CROCC2: variants seen among roughly 807,000 people sequenced by gnomAD.
CROCC2 encodes the protein ciliary rootlet coiled-coil protein 2.
In CROCC2, 163 loss-of-function variants were observed where a neutral mutation model predicts 177.6. That is an observed-to-expected ratio of 0.92 (90% CI 0.81 to 1.05). The LOEUF (loss-of-function observed/expected upper bound fraction) is 1.05. CROCC2 is among the 50% of genes least tolerant of loss of function. CROCC2 has a pLI of 0.00. For missense variants in CROCC2, 1,929 were observed against 1,797.8 expected, an observed-to-expected ratio of 1.07 and a Z score of -1.32; for synonymous variants, 904 against 787.3, an observed-to-expected ratio of 1.15 and a Z score of -2.48.
intron 1 of CROCC2, among the ~76,000 whole-genome samples, chr2:240,916,827 C>T (rs946982486): frequency 1.3e-5 from 2 of 152,144 alleles, no homozygotes; most frequent in African/African-American, 4.8e-5. Context: ...CGGAGCATGA[C>T]GGTCTCTGAT....
intron 28 of CROCC2, among the ~76,000 whole-genome samples, chr2:240,983,936 T>C (rs1216973377): frequency 6.6e-6 from 1 of 152,066 alleles, no homozygotes; most frequent in Non-Finnish European, 1.5e-5. Context: ...GGGTGTGCCC[T>C]GCGGCTGGAG....
intron 19 of CROCC2, among the ~76,000 whole-genome samples, chr2:240,956,189 T>C (rs938595788): frequency 1.2e-4 from 18 of 152,228 alleles, no homozygotes; most frequent in Non-Finnish European, 2.4e-4. Flanking sequence ...ACCAGGACTT[T>C]TCCTGGCTCA....
chr2:240,942,461 A>C (rs980380318), intron 14 of CROCC2, among the ~76,000 whole-genome samples: 1 of 151,906 alleles, frequency 6.6e-6, no homozygotes, highest in Non-Finnish European at 1.5e-5. Flanking sequence ...TCTTTTATTT[A>C]TTTATTTTCA....
At chr2:240,934,121 G>A (rs552985094) in intron 11 of CROCC2, among the ~76,000 whole-genome samples, 18 of 125,880 alleles carry the variant, frequency 1.4e-4, no homozygotes, top group Middle Eastern at 3.7e-3. Flanking sequence ...CACCCCTCCC[G>A]TCCCCCCGGA....
intron 28 of CROCC2, chr2:240,983,237 C>A: frequency 1.1e-6 from 1 of 875,706 alleles, no homozygotes; most frequent in Non-Finnish European, 1.7e-6. Context: ...CCTGGAGGGG[C>A]CCACAGGGAG....
chr2:240,964,689 C>A, intron 22 of CROCC2, 64 bp downstream of exon 22: 1 of 1,499,610 alleles, frequency 6.7e-7, no homozygotes, highest in South Asian at 1.3e-5. Context: ...GTCCCGGCTC[C>A]TCCCAGGGGA....
In CROCC2 at chr2:240,982,547, G is replaced by C. The variant is rs2059807930; in HGVS notation, c.4402-333G>C. The C allele has an allele frequency of 1.8e-5, 4 of 216,642 alleles. No homozygotes were observed. The allele number at this position is 216,642 out of a possible 1,614,324, so 13.4% of individuals were successfully genotyped here. On this transcript the variant is annotated intron_variant, in intron 27 of 31. Transcript: ENST00000690015. This position sits in a 1 kb window ranked among gnomAD's most constrained non-coding sequence, Gnocchi z 4.7. ...CCCAAGGGCAGTAGGAGCCACCAAGGCTGGAGGCAGGGCAGGGATGCCACT... is the reference window on the plus strand; with the variant it reads ...CCCAAGGGCAGTAGGAGCCACCAAGCCTGGAGGCAGGGCAGGGATGCCACT...
At chr2:240,935,276 C>A (rs569653297) in intron 13 of CROCC2, 82 bp from the exon 14 acceptor site, 7 of 1,273,894 alleles carry the variant, frequency 5.5e-6, no homozygotes, top group Non-Finnish European at 7.1e-6. Flanking sequence ...GACAGTGCCC[C>A]GGGGCAGGCC....
chr2:240,955,904 C>G lies in CROCC2; in HGVS notation c.2875C>G (p.Leu959Val). ...ETERSLLSEE[L>V]SRARRTLERV... is the part of the protein sequence containing the mutation. Reference sequence around the variant, plus strand: ...AGAGCGGAGCCTTCTGAGTGAGGAGCTCTCCAGGGCCAGGAGGACGCTAGA... The same window carrying G: ...AGAGCGGAGCCTTCTGAGTGAGGAGGTCTCCAGGGCCAGGAGGACGCTAGA... The change falls in exon 19 of 32, where the codon CTC becomes GTC. Residue 959 changes from leucine (L) to valine (V), a missense_variant. This residue lies in a region of CROCC2 where 1,397 missense variants were observed against 1,239.9 expected (regional missense o/e 1.13). Transcript: ENST00000690015. The G allele has an allele frequency of 1.3e-6, 2 of 1,535,066 alleles. No homozygotes were observed. Among genetic ancestry groups the G allele is most frequent in the Non-Finnish European group, 1.7e-6 (2 of 1,146,884 alleles).
chr2:240,932,171 C>G (rs1193456281), intron 7 of CROCC2, 147 bp from the exon 8 acceptor site: 1 of 608,002 alleles, frequency 1.6e-6, no homozygotes. Context: ...ATGCTCAGAC[C>G]AGGGACAGAG....
intron 3 of CROCC2, 104 bp downstream of exon 3, chr2:240,920,238 T>G: frequency 1.7e-6 from 1 of 582,188 alleles, no homozygotes; most frequent in Non-Finnish European, 3.1e-6. Flanking sequence ...CCATCGGCAA[T>G]TTCTAAGACT....
rs964841083 is a variant in CROCC2 at position 240,967,381 on chromosome 2, C to T, written c.4183C>T (p.Arg1395Trp). 20 of 817,484 alleles carry T rather than the reference C, an allele frequency of 2.4e-5. No individual in the cohort carries two copies. Among genetic ancestry groups the T allele is most frequent in the Middle Eastern group, 2.5e-4 (1 of 4,006 alleles). 50.6% of individuals were successfully genotyped at this position (817,484 alleles called of 1,614,324 possible). A position where few individuals can be genotyped will look rare whatever the true frequency, so the allele number is the denominator to read the frequency against. The change falls in exon 26 of 32, where the codon CGG (arginine) becomes TGG (tryptophan). Residue 1395 changes from arginine (R) to tryptophan (W), a missense_variant. Arg to Trp is a moderately radical substitution (Grantham distance 101). Transcript: ENST00000690015. ...SRIQMATLSSRLSEAECRCAR... is the reference protein window; with the variant it reads ...SRIQMATLSSWLSEAECRCAR... ...CATCCAGATGGCGACCCTGAGCAGC[C>T]GGCTGAGCGAGGCAGAGTGCAGGTG...
Position 240,972,552 on chromosome 2 carries a change from G to A in CROCC2, c.4401+4290G>A, listed in dbSNP as rs554871879. Among the ~76,000 whole-genome samples the A allele has an allele frequency of 2.2e-4, 33 of 152,114 alleles. No individual in the cohort carries two copies. The highest frequency in any genetic ancestry group is 6.7e-4 in the African/African-American group (28 of 41,488). On this transcript the variant is annotated intron_variant, in intron 27 of 31. Transcript: ENST00000690015. This position sits in a 1 kb window ranked among gnomAD's most constrained non-coding sequence, Gnocchi z 7.1. ...CTCGCCCTTCTGAGTCAGGGTATGG[G>A]GACATGGGGGTCCAACTTTGGGTCT... is the stretch of plus-strand genomic sequence containing the variant.
intron 18 of CROCC2, among the ~76,000 whole-genome samples, chr2:240,952,625 G>A (rs1013549887): frequency 1.1e-4 from 16 of 152,224 alleles, no homozygotes; most frequent in African/African-American, 3.9e-4. Flanking sequence ...AGAGGACGTG[G>A]ACATTGGCAG....
At chr2:240,930,871 C>G (rs986199078) in intron 6 of CROCC2, 60 bp from the exon 7 acceptor site, 6 of 645,044 alleles carry the variant, frequency 9.3e-6, no homozygotes, top group South Asian at 5.3e-5. Flanking sequence ...CTGATGGGAC[C>G]AGGCCCTCCC....
chr2:240,987,334 T>C (rs1418107944), intron 28 of CROCC2, among the ~76,000 whole-genome samples: 2 of 152,164 alleles, frequency 1.3e-5, no homozygotes, highest in African/African-American at 4.8e-5. Flanking sequence ...ATAAACCCTT[T>C]ATTGGTGTCT....
rs1181957024 is a variant in CROCC2 at position 240,917,216 on chromosome 2, TTTGCAGGGCAGCA to T, written c.79-1509_79-1497del. ...GGAGGCGTTTGCTGAGTGGCTGCCC[TTTGCAGGGCAGCA>T]GAGTCGGAATAGGGCCTCTCCAGGC... On this transcript the variant is annotated intron_variant, in intron 1 of 31. Transcript: ENST00000690015. This position sits in a 1 kb window ranked among gnomAD's most constrained non-coding sequence, Gnocchi z 4.9. Among the ~76,000 whole-genome samples, 1 of 147,954 alleles carries T rather than the reference TTTGCAGGGCAGCA, an allele frequency of 6.8e-6. No homozygotes were observed. The highest frequency in any genetic ancestry group is 2.1e-4 in the East Asian group (1 of 4,792).
intron 19 of CROCC2, chr2:240,957,592 A>G (rs1023019574): frequency 5.9e-5 from 9 of 152,234 alleles, no homozygotes; most frequent in African/African-American, 2.2e-4. Flanking sequence ...CCCCATCCCC[A>G]GGGCACTGCG....
rs530318261 is a variant in CROCC2, at chr2:240,946,163, C to A, written c.2273C>A (p.Ala758Asp). The A allele has an allele frequency of 3.2e-6, 5 of 1,548,742 alleles. No individual in the cohort carries two copies. Among genetic ancestry groups the A allele is most frequent in the Admixed American group, 2.0e-5 (1 of 50,990 alleles). The change falls in exon 15 of 32, where the codon GCT becomes GAT. Residue 758 changes from alanine (A) to aspartate (D), a missense_variant. Around this residue, in one of 3 missense-constraint regions of CROCC2, gnomAD observed 1,397 missense variants for 1,239.9 expected, o/e 1.13. Coordinates refer to ENST00000690015, the MANE Select transcript of CROCC2 (RefSeq NM_001351305.2). ...CAGCAAGCCCTGCAAGGAAAGGATG[C>A]TCTGTCTGAGGAGCGGGCCCAGCTG... The part of the protein sequence containing the change: ...TLQQALQGKD[A>D]LSEERAQLLA...
Sources: allele counts gnomAD v4.1 joint callset (sites outside exome capture counted in the v4.1 genomes callset), GRCh38; gene constraint gnomAD v4.1.1; regional missense constraint gnomAD v4.1.1; non-coding constraint Gnocchi (gnomAD v3.1); transcripts MANE v1.5; gene names NCBI Gene and HGNC (gene_info 2026-07-23, HGNC 2026-07-21).